Variants in NEK6 observed in about 807,000 individuals in gnomAD.
NEK6 encodes serine/threonine-protein kinase Nek6.
In NEK6, 27 loss-of-function variants were observed where a neutral mutation model predicts 43.5. The observed-to-expected ratio is 0.62, with a 90% CI of 0.46 to 0.86. The LOEUF (loss-of-function observed/expected upper bound fraction) is 0.86. Among genes scored for constraint, NEK6 ranks in the 40% least tolerant of loss-of-function variants. The probability of loss-of-function intolerance (pLI) is 0.00; values close to 1 mark genes in which losing one functional copy is unlikely to be tolerated. For missense variants in NEK6, 318 were observed against 414.4 expected, an observed-to-expected ratio of 0.77 and a Z score of 2.02; for synonymous variants, 167 against 164.1, an observed-to-expected ratio of 1.02 and a Z score of -0.14.
At chr9:124,334,009 C>A (rs1368281652) in intron 7 of NEK6, among the ~76,000 whole-genome samples, 1 of 152,124 alleles carries the variant, frequency 6.6e-6, no homozygotes, top group Non-Finnish European at 1.5e-5. Flanking sequence ...GATCTCCTGA[C>A]CTCGTGATCC....
chr9:124,269,896 C>T (rs1447571038), intron 1 of NEK6, among the ~76,000 whole-genome samples: 1 of 152,206 alleles, frequency 6.6e-6, no homozygotes, highest in Non-Finnish European at 1.5e-5. Context: ...GCCTCTCTCT[C>T]TCCCTGCAGT....
At chr9:124,292,401 A>G (rs1832465613) in intron 1 of NEK6, 2 of 1,526,670 alleles carry the variant, frequency 1.3e-6, no homozygotes, top group East Asian at 2.5e-5. Context: ...AGAAAAAGCA[A>G]TTCTTTCTCT....
At chr9:124,257,861 T>G, upstream of NEK6, 2 of 1,059,118 alleles carry the variant, frequency 1.9e-6, no homozygotes, top group Non-Finnish European at 1.2e-6. Context: ...CCCCTCAAGC[T>G]TGCGTGGCGG....
chr9:124,346,651 G>A (rs1047729878), intron 8 of NEK6, among the ~76,000 whole-genome samples: 6 of 152,164 alleles, frequency 3.9e-5, no homozygotes, highest in African/African-American at 1.4e-4. Flanking sequence ...TCCCATTATG[G>A]GTTCATAATG....
intron 1 of NEK6, among the ~76,000 whole-genome samples, chr9:124,278,815 T>C (rs1831762502): frequency 6.6e-6 from 1 of 152,142 alleles, no homozygotes; most frequent in Non-Finnish European, 1.5e-5. Flanking sequence ...ATACCACATC[T>C]GACTCCCCGC....
intron 5 of NEK6, among the ~76,000 whole-genome samples, chr9:124,325,987 C>T (rs1218425587): frequency 6.6e-6 from 1 of 152,062 alleles, no homozygotes; most frequent in Non-Finnish European, 1.5e-5. Flanking sequence ...GAGGGGGTGT[C>T]CAGGAGGTTC....
At position 124,347,798 on chromosome 9, in the gene NEK6, C is replaced by A. The variant is rs1830020992; in HGVS notation, c.807C>A (p.Leu269=). The A allele has an allele frequency of 6.2e-7, 1 of 1,611,412 alleles. No homozygotes were observed. Among genetic ancestry groups the A allele is most frequent in the Admixed American group, 1.7e-5 (1 of 59,902 alleles). Reference sequence around the variant, plus strand: ...TCGAGCAGTGTGACTACCCCCCACTCCCCGGGGAGCACTACTCCGAGAAGG... The same window carrying A: ...TCGAGCAGTGTGACTACCCCCCACTACCCGGGGAGCACTACTCCGAGAAGG... The part of the protein sequence containing the change: ...QKIEQCDYPP[L]PGEHYSEKLR... The change falls in exon 9 of 10, where the codon CTC becomes CTA. Residue 269 remains leucine (L), a synonymous_variant. Transcript: ENST00000320246.
chr9:124,305,670 T>TG (rs1322090468), intron 2 of NEK6, among the ~76,000 whole-genome samples: 1 of 152,150 alleles, frequency 6.6e-6, no homozygotes, highest in Non-Finnish European at 1.5e-5. Context: ...TGCCTGCCTT[T>TG]GGGGGCTCCC....
intron 1 of NEK6, among the ~76,000 whole-genome samples, chr9:124,301,672 G>A (rs1832983898): frequency 6.6e-6 from 1 of 152,168 alleles, no homozygotes; most frequent in African/African-American, 2.4e-5. Context: ...CTGGCCTTGG[G>A]GGCTGCTGAT....
intron 1 of NEK6, among the ~76,000 whole-genome samples, chr9:124,300,380 C>G (rs758549211): frequency 3.3e-5 from 5 of 152,088 alleles, no homozygotes; most frequent in Non-Finnish European, 7.4e-5. Flanking sequence ...GGAACACCCC[C>G]GTGTTAATGG....
chr9:124,331,440 G>A (rs1360375045), intron 7 of NEK6, among the ~76,000 whole-genome samples: 1 of 152,088 alleles, frequency 6.6e-6, no homozygotes, highest in Non-Finnish European at 1.5e-5. Context: ...TCAAGTTGAA[G>A]AGCCCTTCTC....
At chr9:124,281,031 T>A (rs942813747) in intron 1 of NEK6, among the ~76,000 whole-genome samples, 2 of 152,288 alleles carry the variant, frequency 1.3e-5, no homozygotes, top group Admixed American at 1.3e-4. Flanking sequence ...CCTCAGGTGA[T>A]CCACCCACCT....
chr9:124,286,095 A>G (rs893945008), intron 1 of NEK6, among the ~76,000 whole-genome samples: 5 of 150,470 alleles, frequency 3.3e-5, no homozygotes, highest in African/African-American at 1.2e-4. Flanking sequence ...CCCCGCAGTC[A>G]GACTTTTTAA....
chr9:124,312,856 T>C (rs770779951), intron 3 of NEK6, among the ~76,000 whole-genome samples: 58 of 152,198 alleles, frequency 3.8e-4, no homozygotes, highest in Non-Finnish European at 7.5e-4. Flanking sequence ...CGAGCATGCA[T>C]TGAGCGCCTG....
chr9:124,346,742 CCT>C (rs1829948125), intron 8 of NEK6, among the ~76,000 whole-genome samples: 1 of 152,186 alleles, frequency 6.6e-6, no homozygotes, highest in African/African-American at 2.4e-5. Flanking sequence ...TGAGGAGTCC[CCT>C]GTGAGTGCCC....
Position 124,262,617 on chromosome 9 carries a change from A to G in NEK6, c.-30+4532A>G, listed in dbSNP as rs576457885. Among the ~76,000 whole-genome samples the G allele has an allele frequency of 2.0e-5, 3 of 152,288 alleles. No homozygotes were observed. In the East Asian group the frequency reaches 5.8e-4, roughly 29 times the overall value. On this transcript the variant is annotated intron_variant, in intron 1 of 9. Coordinates refer to ENST00000320246, the MANE Select transcript of NEK6 (RefSeq NM_014397.6). ...GGATCACAGCACCCCACCAGACCTG[A>G]CTGGCCACCACCGCTGTAGCTGTGG...
chr9:124,331,028 C>T (rs1386856146), intron 7 of NEK6, among the ~76,000 whole-genome samples: 2 of 151,986 alleles, frequency 1.3e-5, no homozygotes, highest in Non-Finnish European at 2.9e-5. Flanking sequence ...TTTGGGAAGC[C>T]GAGGCAGTCA....
intron 1 of NEK6, chr9:124,293,156 A>G: frequency 8.7e-7 from 1 of 1,144,568 alleles, no homozygotes; most frequent in Non-Finnish European, 1.1e-6. Context: ...AATGATTAAA[A>G]TGCAGACTTT....
At chr9:124,349,978 C>T (rs1482564747) in intron 9 of NEK6, among the ~76,000 whole-genome samples, 1 of 152,254 alleles carries the variant, frequency 6.6e-6, no homozygotes, top group African/African-American at 2.4e-5. Flanking sequence ...CCCCATCCCT[C>T]AGCCTAACGG....
Sources: gnomAD v4.1 joint callset for allele counts (sites outside exome capture counted in the v4.1 genomes callset) on GRCh38, gnomAD v4.1.1 for gene constraint, MANE v1.5 for transcripts, NCBI Gene and HGNC (gene_info 2026-07-23, HGNC 2026-07-21) for gene names.